GALNT18: variants seen among roughly 807,000 people sequenced by gnomAD.
The protein encoded by GALNT18 is polypeptide N-acetylgalactosaminyltransferase 18, also known as GalNAc-transferase 18.
A neutral mutation model predicts 69.5 loss-of-function variants in GALNT18; 44 were observed. The ratio of observed to expected loss-of-function variants is 0.63; its 90% confidence interval spans 0.50 to 0.81. GALNT18 has a LOEUF of 0.81. Among genes scored for constraint, GALNT18 ranks in the 40% least tolerant of loss-of-function variants. GALNT18 has a pLI of 0.00. For synonymous variants in GALNT18, 364 were observed against 318.2 expected, an observed-to-expected ratio of 1.14 and a Z score of -1.53; for missense variants, 715 against 810.0, an observed-to-expected ratio of 0.88 and a Z score of 1.42.
rs1860097989 is a variant in GALNT18 at position 11,617,957 on chromosome 11, C to G, written c.235+3402G>C. ...TAAAAACTCATAAGTTATCCACCCT[C>G]TCATTTAACGTCTATTTGGTCAAAA... On this transcript the variant is annotated intron_variant, in intron 1 of 10. Coordinates refer to ENST00000227756, the MANE Select transcript of GALNT18 (RefSeq NM_198516.3). The surrounding 1 kb of genome is among the most constrained non-coding windows in gnomAD (Gnocchi z 4.7). 6.6e-6 allele frequency among the ~76,000 whole-genome samples: 1 copy of G among 152,188 alleles called. No individual in the cohort carries two copies. Among genetic ancestry groups the G allele is most frequent in the Non-Finnish European group, 1.5e-5 (1 of 68,030 alleles).
intron 10 of GALNT18, among the ~76,000 whole-genome samples, chr11:11,275,505 T>C (rs1374242859): frequency 6.6e-6 from 1 of 152,174 alleles, no homozygotes; most frequent in Non-Finnish European, 1.5e-5. Flanking sequence ...CTCTGATGAT[T>C]TCTCTTGCTG....
intron 6 of GALNT18, among the ~76,000 whole-genome samples, chr11:11,350,178 C>T (rs533421259): frequency 6.6e-6 from 1 of 152,310 alleles, no homozygotes; most frequent in African/African-American, 2.4e-5. Context: ...GCTGAAACAG[C>T]TGCTTACCCA....
intron 1 of GALNT18, among the ~76,000 whole-genome samples, chr11:11,476,863 G>A (rs4910353): frequency 0.12 from 18,256 of 152,238 alleles, 1,290 homozygotes; most frequent in African/African-American, 0.18. Flanking sequence ...TCTCAGACAA[G>A]TCAGTGCATG....
At position 11,404,718 on chromosome 11, in the gene GALNT18, C is replaced by T. The variant is rs1854548765; in HGVS notation, c.596-25454G>A. Among the ~76,000 whole-genome samples, 2 of 152,188 alleles carry T rather than the reference C, an allele frequency of 1.3e-5. No homozygotes were observed. Among genetic ancestry groups the T allele is most frequent in the South Asian group, 4.1e-4 (2 of 4,824 alleles). ...CATTTCAACCTAACTCTGACTTCATCTCAACCTTAACATCCTTTTGACCTC... is the reference window on the plus strand; with the variant it reads ...CATTTCAACCTAACTCTGACTTCATTTCAACCTTAACATCCTTTTGACCTC... On this transcript the variant is annotated intron_variant, in intron 3 of 10. Coordinates refer to ENST00000227756, the MANE Select transcript of GALNT18 (RefSeq NM_198516.3). The surrounding 1 kb of genome is among the most constrained non-coding windows in gnomAD (Gnocchi z 4.5).
At chr11:11,434,741 G>A (rs1855359488) in intron 2 of GALNT18, among the ~76,000 whole-genome samples, 1 of 152,116 alleles carries the variant, frequency 6.6e-6, no homozygotes, top group South Asian at 2.1e-4. Context: ...AAGGGAATAG[G>A]GAGGTGAGGG....
chr11:11,567,862 C>T (rs1171108829), intron 1 of GALNT18, among the ~76,000 whole-genome samples: 4 of 152,186 alleles, frequency 2.6e-5, no homozygotes, highest in East Asian at 3.9e-4. Context: ...GATAAACATC[C>T]TATATATCTT....
intron 1 of GALNT18, among the ~76,000 whole-genome samples, chr11:11,493,697 G>A (rs1856818138): frequency 6.6e-6 from 1 of 152,178 alleles, no homozygotes; most frequent in Admixed American, 6.5e-5. Flanking sequence ...CTCCCAGTTG[G>A]TGACTAGATA....
rs1330539037 is a variant in GALNT18 at position 11,318,720 on chromosome 11, C to T, written c.1512+8366G>A. On this transcript the variant is annotated intron_variant, in intron 9 of 10. Coordinates refer to ENST00000227756, the MANE Select transcript of GALNT18 (RefSeq NM_198516.3). This position sits in a 1 kb window ranked among gnomAD's most constrained non-coding sequence, Gnocchi z 5.1. ...GCCTGGAGTGTCCCTCGACCTTCAA[C>T]AAACTTTGTGAAAAGAGTAAGAAAA... is the stretch of plus-strand genomic sequence containing the variant. Among the ~76,000 whole-genome samples the T allele has an allele frequency of 6.6e-6, 1 of 152,122 alleles. No homozygotes were observed. Among genetic ancestry groups the T allele is most frequent in the Non-Finnish European group, 1.5e-5 (1 of 68,036 alleles).
intron 6 of GALNT18, among the ~76,000 whole-genome samples, chr11:11,364,973 T>C (rs1850729146): frequency 6.6e-6 from 1 of 152,000 alleles, no homozygotes; most frequent in East Asian, 1.9e-4. Flanking sequence ...TTTTTGTATA[T>C]ATTCGATATT....
chr11:11,520,012 A>T (rs957855022), intron 1 of GALNT18, among the ~76,000 whole-genome samples: 1 of 152,204 alleles, frequency 6.6e-6, no homozygotes, highest in Non-Finnish European at 1.5e-5. Context: ...GGGGTCCAAG[A>T]GCTAGAGGCA....
rs1850177850 is a variant in GALNT18 at position 11,340,132 on chromosome 11, G to A, written c.1278+687C>T. Among the ~76,000 whole-genome samples the A allele has an allele frequency of 6.6e-6, 1 of 152,122 alleles. No homozygotes were observed. Among genetic ancestry groups the A allele is most frequent in the African/African-American group, 2.4e-5 (1 of 41,422 alleles). ...AGTAGAGCTGGGTTCTCTCAACTCA[G>A]TAGTCCAAGGTCATTTCCACATGTT... On this transcript the variant is annotated intron_variant, in intron 7 of 10. Transcript: ENST00000227756. This position sits in a 1 kb window ranked among gnomAD's most constrained non-coding sequence, Gnocchi z 4.2.
intron 2 of GALNT18, among the ~76,000 whole-genome samples, chr11:11,440,740 C>T (rs982003292): frequency 2.6e-5 from 4 of 152,180 alleles, no homozygotes; most frequent in African/African-American, 9.7e-5. Flanking sequence ...ACATGTTCCC[C>T]CAAGTCTTCT....
chr11:11,609,120 AAG>A (rs1198812920), intron 1 of GALNT18, among the ~76,000 whole-genome samples: 1 of 152,202 alleles, frequency 6.6e-6, no homozygotes, highest in Non-Finnish European at 1.5e-5. Context: ...TGCCAAGCCC[AAG>A]AGAAGTACCC....
rs1036625510 is a variant in GALNT18 at position 11,415,241 on chromosome 11, C to T, written c.595+17380G>A. Among the ~76,000 whole-genome samples the T allele has an allele frequency of 3.9e-5, 6 of 152,270 alleles. No individual in the cohort carries two copies. Among genetic ancestry groups the T allele is most frequent in the East Asian group, 1.9e-4 (1 of 5,174 alleles). On this transcript the variant is annotated intron_variant, in intron 3 of 10. Transcript: ENST00000227756. The surrounding 1 kb of genome is among the most constrained non-coding windows in gnomAD (Gnocchi z 4.1). ...ACCAACCGATTGGGGACCTTAATTA[C>T]GTCAGCCAATTCCCCTCACAGCAGG...
intron 1 of GALNT18, among the ~76,000 whole-genome samples, chr11:11,483,309 C>A (rs1484885931): frequency 6.6e-6 from 1 of 152,200 alleles, no homozygotes; most frequent in Non-Finnish European, 1.5e-5. Flanking sequence ...AGAAGCCCTC[C>A]TCTGGTCTCC....
rs985011770 is a variant in GALNT18 at position 11,372,281 on chromosome 11, T to C, written c.1092+234A>G. On this transcript the variant is annotated intron_variant, in intron 6 of 10. Coordinates refer to ENST00000227756, the MANE Select transcript of GALNT18 (RefSeq NM_198516.3). This position sits in a 1 kb window ranked among gnomAD's most constrained non-coding sequence, Gnocchi z 4.9. The stretch of plus-strand genomic sequence containing the variant: ...GAGGCTGTTCCCTTGAGTTGGCAGC[T>C]TAACCTCTCCCATGCTCCCTCCCCC... Among the ~76,000 whole-genome samples, 9 of 152,140 alleles carry C rather than the reference T, an allele frequency of 5.9e-5. No individual in the cohort carries two copies. The highest frequency in any genetic ancestry group is 1.4e-4 in the African/African-American group (6 of 41,432).
At chr11:11,522,721 A>C (rs138356395) in intron 1 of GALNT18, among the ~76,000 whole-genome samples, 27 of 152,272 alleles carry the variant, frequency 1.8e-4, no homozygotes, top group African/African-American at 6.3e-4. Context: ...GTATCCACAG[A>C]ACTCAAGATG....
intron 1 of GALNT18, among the ~76,000 whole-genome samples, chr11:11,568,273 G>C (rs763748707): frequency 2.6e-5 from 4 of 152,130 alleles, no homozygotes; most frequent in Non-Finnish European, 5.9e-5. Flanking sequence ...GCCAGACTTC[G>C]CGACAACTGA....
chr11:11,559,132 GC>G (rs1376390581), intron 1 of GALNT18, among the ~76,000 whole-genome samples: 1 of 152,208 alleles, frequency 6.6e-6, no homozygotes, highest in African/African-American at 2.4e-5. Context: ...TAGGAATGTG[GC>G]CCAGCACCTA....
Sources: allele counts gnomAD v4.1 joint callset (sites outside exome capture counted in the v4.1 genomes callset), GRCh38; gene constraint gnomAD v4.1.1; non-coding constraint Gnocchi (gnomAD v3.1); transcripts MANE v1.5; gene names NCBI Gene and HGNC (gene_info 2026-07-23, HGNC 2026-07-21).